Variants in SON observed in about 807,000 individuals in gnomAD.
The protein encoded by SON is protein SON.
SON carries 4 observed loss-of-function variants against 173.3 expected under a neutral mutation model. The observed-to-expected ratio is 0.02, with a 90% CI of 0.01 to 0.05. SON has a LOEUF of 0.05. Among genes scored for constraint, SON ranks in the 10% least tolerant of loss-of-function variants. The probability of loss-of-function intolerance (pLI) is 1.00; values close to 1 mark genes in which losing one functional copy is unlikely to be tolerated. For missense variants in SON, 2,626 were observed against 3,055.3 expected, an observed-to-expected ratio of 0.86 and a Z score of 3.31; for synonymous variants, 1,190 against 1,105.9, an observed-to-expected ratio of 1.08 and a Z score of -1.51.
intron 1 of SON, chr21:33,543,506 C>G (rs1569045091): frequency 6.6e-6 from 2 of 303,206 alleles, no homozygotes; most frequent in Admixed American, 9.6e-5. Context: ...GTTCCTTCCT[C>G]AGCTCCTCCT....
intron 1 of SON, 157 bp downstream of exon 1, chr21:33,543,326 G>GCC: frequency 1.9e-6 from 1 of 524,742 alleles, no homozygotes. Context: ...CCCCCCAACC[G>GCC]CCCCCCCAGC....
At position 33,554,632 on chromosome 21, in the gene SON, G is replaced by A. The variant is rs2145837883; in HGVS notation, c.5401G>A (p.Glu1801Lys). ...EIFVKVKDTH[E>K]KSKKNKNRDK... is the part of the protein sequence containing the mutation. Reference sequence around the variant, plus strand: ...TTTTGTAAAAGTTAAGGACACTCACGAAAAAAGCAAGAAAAATAAGAACCG... The same window carrying A: ...TTTTGTAAAAGTTAAGGACACTCACAAAAAAAGCAAGAAAAATAAGAACCG... The change falls in exon 3 of 12, where the codon GAA becomes AAA. Residue 1801 changes from glutamate (E) to lysine (K), a missense_variant. This residue lies in a region of SON where 1,006 missense variants were observed against 895.6 expected (regional missense o/e 1.12). Transcript: ENST00000356577. 1 of 1,612,430 alleles carries A rather than the reference G, an allele frequency of 6.2e-7. No individual in the cohort carries two copies. Among genetic ancestry groups the A allele is most frequent in the Non-Finnish European group, 8.5e-7 (1 of 1,179,632 alleles).
At chr21:33,560,390 C>T (rs2086049470) in intron 6 of SON, 2 of 1,152,230 alleles carry the variant, frequency 1.7e-6, no homozygotes, top group South Asian at 3.7e-5. Flanking sequence ...TACTCCATTC[C>T]CTTCTCCTTC....
rs780229320 is a variant in SON, at chr21:33,552,366, CGAGCGCTCTATGATGTCCCCTATGGCT to C, written c.3153_3179del (p.Pro1052_Ser1060del). 3.3e-5 allele frequency: 54 copies of C among 1,613,166 alleles called. No homozygotes were observed. Among genetic ancestry groups the C allele is most frequent in the East Asian group, 1.8e-4 (8 of 44,866 alleles). The stretch of plus-strand genomic sequence containing the variant: ...ACGAGCGCTCTATGATGTCAGCCTA[CGAGCGCTCTATGATGTCCCCTATGGCT>C]GAGCGCTCTATGATGTCAGCTTATG... On this transcript the variant is annotated inframe_deletion, in exon 3 of 12. Coordinates refer to ENST00000356577, the MANE Select transcript of SON (RefSeq NM_138927.4). This position sits in a 1 kb window ranked among gnomAD's most constrained non-coding sequence, Gnocchi z 5.6.
At chr21:33,566,640 G>T (rs1365619656) in intron 6 of SON, among the ~76,000 whole-genome samples, 1 of 152,124 alleles carries the variant, frequency 6.6e-6, no homozygotes, top group Non-Finnish European at 1.5e-5. Context: ...AGACCAAAGT[G>T]TCCACAACTG....
rs2145833874 is a variant in SON, at chr21:33,553,734, C to T, written c.4503C>T (p.Gly1501=). 6.2e-7 allele frequency: 1 copy of T among 1,613,940 alleles called. No individual in the cohort carries two copies. Among genetic ancestry groups the T allele is most frequent in the Non-Finnish European group, 8.5e-7 (1 of 1,179,944 alleles). The change falls in exon 3 of 12, where the codon GGC becomes GGT. Residue 1501 remains glycine (G), a synonymous_variant. Transcript: ENST00000356577. ...SGDQNLAPEI[G]MQEIALHSGE... ...ATCAAAATCTTGCTCCAGAGATTGG[C>T]ATGCAGGAGATTGCATTGCATTCAG...
At chr21:33,568,096 T>G (rs2086209591) in intron 7 of SON, among the ~76,000 whole-genome samples, 1 of 152,226 alleles carries the variant, frequency 6.6e-6, no homozygotes, top group Admixed American at 6.5e-5. Context: ...AATACATTGC[T>G]GACAGTGCAA....
chr21:33,546,963 T>TTTTTC (rs766495437), intron 2 of SON: 1 of 152,166 alleles, frequency 6.6e-6, no homozygotes, highest in Admixed American at 6.5e-5. Context: ...ATTCAGTTTC[T>TTTTTC]TTTTCTTTTC....
chr21:33,553,383 G>GGAGTCTTCGACTGTGACTGTCCTA lies in SON; in HGVS notation c.4155_4156insTCTTCGACTGTGACTGTCCTAGAG (p.Ser1378_Glu1385dup), dbSNP rs1569056689. On this transcript the variant is annotated inframe_insertion, in exon 3 of 12. Transcript: ENST00000356577. ...TGGAGTCTTCGACTGTAACTGTCCT[G>GGAGTCTTCGACTGTGACTGTCCTA]GAGCCTTCGGTTGTGACTGTCCCGG... 6.2e-7 allele frequency: 1 copy of GGAGTCTTCGACTGTGACTGTCCTA among 1,613,810 alleles called. No homozygotes were observed.
Position 33,559,205 on chromosome 21 carries a change from CTTT to C in SON, c.6322-23_6322-21del. 1 of 1,505,206 alleles carries C rather than the reference CTTT, an allele frequency of 6.6e-7. No homozygotes were observed. The highest frequency in any genetic ancestry group is 8.9e-7 in the Non-Finnish European group (1 of 1,122,592). The allele number at this position is 1,505,206 out of a possible 1,614,324, so 93.2% of individuals were successfully genotyped here. On this transcript the variant is annotated intron_variant, in intron 4 of 11. Transcript: ENST00000356577. This position sits in a 1 kb window ranked among gnomAD's most constrained non-coding sequence, Gnocchi z 4.1. ...GTTCTACATAAAGCGTAAGATTTAT[CTTT>C]TGTTTGTTTTTACTTTTAAAGAAAT...
chr21:33,552,134 G>A lies in SON; in HGVS notation c.2903G>A (p.Arg968Lys), dbSNP rs778908737. The A allele has an allele frequency of 6.2e-7, 1 of 1,614,054 alleles. No individual in the cohort carries two copies. The highest frequency in any genetic ancestry group is 2.2e-5 in the East Asian group (1 of 44,882). Residue 968 changes from arginine to lysine, a missense_variant, in exon 3 of 12, where the codon AGA becomes AAA. This residue lies in a region of SON where 366 missense variants were observed against 448.6 expected (regional missense o/e 0.82). Coordinates refer to ENST00000356577, the MANE Select transcript of SON (RefSeq NM_138927.4). This position sits in a 1 kb window ranked among gnomAD's most constrained non-coding sequence, Gnocchi z 5.6. ...CCTGATCCCTATAGGATGTCACCTAGACCCTACAGGATAGCACCCAGGTCC... is the reference window on the plus strand; with the variant it reads ...CCTGATCCCTATAGGATGTCACCTAAACCCTACAGGATAGCACCCAGGTCC... The part of the protein sequence containing the change: ...LTPDPYRMSP[R>K]PYRIAPRSYR...
At chr21:33,573,640 G>C (rs1451866778) in intron 9 of SON, among the ~76,000 whole-genome samples, 185 bp downstream of exon 9, 1 of 152,128 alleles carries the variant, frequency 6.6e-6, no homozygotes, top group Admixed American at 6.5e-5. Flanking sequence ...TATGGATAGA[G>C]ACACCAGTTT....
In SON at chr21:33,577,355, AAAGTTT is replaced by A. The variant is rs1283416497; in HGVS notation, c.*933_*938del. 1 of 152,622 alleles carries A rather than the reference AAAGTTT, an allele frequency of 6.6e-6. No individual in the cohort carries two copies. The highest frequency in any genetic ancestry group is 1.5e-5 in the Non-Finnish European group (1 of 68,042). 9.5% of individuals were successfully genotyped at this position (152,622 alleles called of 1,614,324 possible). ...TATTTTGTTGACTATGAGAAAGTTAAAAGTTTATGTTAATTTTTAGGGTCTGATAGA... is the reference window on the plus strand; with the variant it reads ...TATTTTGTTGACTATGAGAAAGTTAAATGTTAATTTTTAGGGTCTGATAGA... On this transcript the variant is annotated 3_prime_UTR_variant, in exon 12 of 12. Coordinates refer to ENST00000356577, the MANE Select transcript of SON (RefSeq NM_138927.4).
chr21:33,561,333 TGTA>T (rs1396460174), intron 6 of SON, among the ~76,000 whole-genome samples: 1 of 152,092 alleles, frequency 6.6e-6, no homozygotes. Context: ...TTAATCTTCT[TGTA>T]GTAGCTGAAT....
At position 33,553,573 on chromosome 21, in the gene SON, T is replaced by A. The variant is rs370367458; in HGVS notation, c.4342T>A (p.Ser1448Thr). The A allele has an allele frequency of 1.5e-4, 245 of 1,614,204 alleles. 3 individuals are homozygous for A. The South Asian group carries it at 1.7e-3, about 11-fold the overall frequency. ...VSVQESTVTV[S>T]EPAVTVSEQT... Reference sequence around the variant, plus strand: ...TGTCCAGGAATCGACTGTGACAGTTTCAGAGCCTGCTGTCACAGTCTCAGA... The same window carrying A: ...TGTCCAGGAATCGACTGTGACAGTTACAGAGCCTGCTGTCACAGTCTCAGA... Residue 1448 changes from serine to threonine, a missense_variant, in exon 3 of 12, where the codon TCA becomes ACA. Around this residue, in one of 13 missense-constraint regions of SON, gnomAD observed 1,006 missense variants for 895.6 expected, o/e 1.12. Transcript: ENST00000356577.
In SON at chr21:33,550,939, C is replaced by G. The variant is rs760968345; in HGVS notation, c.1708C>G (p.Pro570Ala). The G allele has an allele frequency of 1.5e-5, 24 of 1,606,448 alleles. No individual in the cohort carries two copies. Among genetic ancestry groups the G allele is most frequent in the Non-Finnish European group, 2.0e-5 (23 of 1,174,424 alleles). ...GGGGCAGCCTTCGGTGACTGGGGTG[C>G]CAGAGTTGCCAGGGCTGCCTTCGGC... The part of the protein sequence containing the change: ...LPGQPSVTGV[P>A]ELPGLPSATR... Residue 570 changes from proline to alanine, a missense_variant, in exon 3 of 12, where the codon CCA becomes GCA. Physicochemically the swap from Pro to Ala is conservative, Grantham distance 27. Coordinates refer to ENST00000356577, the MANE Select transcript of SON (RefSeq NM_138927.4).
rs1415843443 is a variant in SON, at chr21:33,549,478, T to C, written c.247T>C (p.Leu83=). Residue 83 remains leucine (L), a splice_region_variant and synonymous_variant, in exon 3 of 12, where the codon TTG becomes CTG. Transcript: ENST00000356577. ...AAATTAATTTCTATTACTTTTAGAC[T>C]TGAAAGAGGGCTCCAGAAAAAGTAG... ...LDTELRYKPD[L]KEGSRKSRCV... 3.3e-6 allele frequency: 5 copies of C among 1,527,294 alleles called. No homozygotes were observed. In the South Asian group the frequency reaches 6.8e-5, roughly 21 times the overall value. 94.6% of individuals were successfully genotyped at this position (1,527,294 alleles called of 1,614,324 possible).
At position 33,551,554 on chromosome 21, in the gene SON, A is replaced by G; in HGVS notation, c.2323A>G (p.Met775Val). ...MLATSSMDSQ[M>V]LATSSMDSQM... is the part of the protein sequence containing the mutation. ...AGCAACTAGCTCCATGGACTCCCAG[A>G]TGTTAGCAACTAGCTCCATGGACTC... Residue 775 changes from methionine (M) to valine (V), a missense_variant, in exon 3 of 12, where the codon ATG becomes GTG. By Grantham distance (21) the Met-to-Val change is conservative. This residue lies in a region of SON where 182 missense variants were observed against 193.6 expected (regional missense o/e 0.94). Transcript: ENST00000356577. 1 of 1,613,984 alleles carries G rather than the reference A, an allele frequency of 6.2e-7. No homozygotes were observed. The highest frequency in any genetic ancestry group is 1.1e-5 in the South Asian group (1 of 91,054).
In SON at chr21:33,557,291, G is replaced by C; in HGVS notation, c.6296G>C (p.Gly2099Ala). 1 of 1,613,622 alleles carries C rather than the reference G, an allele frequency of 6.2e-7. No homozygotes were observed. The stretch of plus-strand genomic sequence containing the variant: ...GAGAAAGTTGCTAAAAAGTCAGGAG[G>C]AGCTACTATAGAAGAACTAACTGAG... Reference protein sequence around the residue: ...IEEKVAKKSGGATIEELTEKC... With the variant: ...IEEKVAKKSGAATIEELTEKC... Residue 2099 changes from glycine (G) to alanine (A), a missense_variant, in exon 4 of 12, where the codon GGA becomes GCA. By Grantham distance (60) the Gly-to-Ala change is moderately conservative (BLOSUM62 0). Transcript: ENST00000356577.
Sources: allele counts gnomAD v4.1 joint callset (sites outside exome capture counted in the v4.1 genomes callset), GRCh38; gene constraint gnomAD v4.1.1; regional missense constraint gnomAD v4.1.1; non-coding constraint Gnocchi (gnomAD v3.1); transcripts MANE v1.5; gene names NCBI Gene and HGNC (gene_info 2026-07-23, HGNC 2026-07-21).